TDRD9: variants seen among roughly 807,000 people sequenced by gnomAD.
The protein encoded by TDRD9 is ATP-dependent RNA helicase TDRD9.
TDRD9 carries 124 observed loss-of-function variants against 172.6 expected under a neutral mutation model. The ratio of observed to expected loss-of-function variants is 0.72; its 90% CI spans 0.62 to 0.83. The LOEUF (loss-of-function observed/expected upper bound fraction) is 0.83. Among genes scored for constraint, TDRD9 ranks in the 40% least tolerant of loss-of-function variants. The probability of loss-of-function intolerance (pLI) is 0.00; values close to 1 mark genes in which losing one functional copy is unlikely to be tolerated. For synonymous variants in TDRD9, 619 were observed against 617.1 expected (o/e 1.00, Z -0.05); for missense variants, 1,479 against 1,714.1 (o/e 0.86, Z 2.42).
At chr14:103,930,337 G>A (rs1342905150) in intron 1 of TDRD9, among the ~76,000 whole-genome samples, 1 of 152,076 alleles carries the variant, frequency 6.6e-6, no homozygotes, top group East Asian at 1.9e-4. Flanking sequence ...ACTGGCGTGT[G>A]CCACCACGCC....
At chr14:103,929,661 A>G (rs1439221564) in intron 1 of TDRD9, among the ~76,000 whole-genome samples, 1 of 152,020 alleles carries the variant, frequency 6.6e-6, no homozygotes, top group Non-Finnish European at 1.5e-5. Context: ...CTGAGGCTAC[A>G]GGCATATGCC....
intron 8 of TDRD9, among the ~76,000 whole-genome samples, chr14:103,988,569 T>C (rs1436077520): frequency 6.6e-6 from 1 of 152,242 alleles, no homozygotes; most frequent in African/African-American, 2.4e-5. Context: ...GTCACTGATA[T>C]AGTTGAATTT....
chr14:104,025,934 C>T, intron 26 of TDRD9, 113 bp from the exon 27 acceptor site: 1 of 971,346 alleles, frequency 1.0e-6, no homozygotes, highest in Non-Finnish European at 1.6e-6. Context: ...AAGCTCAGGT[C>T]ACTCCAAGAA....
rs753182841 is a variant in TDRD9 at position 103,955,744 on chromosome 14, G to A, written c.296G>A (p.Arg99His). The change falls in exon 2 of 36, where the codon CGC (arginine) becomes CAC (histidine). Residue 99 changes from arginine to histidine, a missense_variant. Arg to His is a conservative substitution (Grantham distance 29). Transcript: ENST00000409874. Reference protein sequence around the residue: ...QLEAQELDVCRSVQPTSGPGP... With the variant: ...QLEAQELDVCHSVQPTSGPGP... ...GAAGCACAAGAGCTTGATGTGTGTC[G>A]CAGTGTCCAACCAACCAGTGGGCCA... is the stretch of plus-strand genomic sequence containing the variant. The A allele has an allele frequency of 1.6e-5, 25 of 1,550,926 alleles. No individual in the cohort carries two copies. In the South Asian group the frequency reaches 2.0e-4, roughly 13 times the overall value.
chr14:104,037,733 C>T (rs930774399), intron 32 of TDRD9, among the ~76,000 whole-genome samples: 2 of 152,188 alleles, frequency 1.3e-5, no homozygotes, highest in African/African-American at 4.8e-5. Flanking sequence ...ATGTGACCTT[C>T]ACTTGTAGTT....
chr14:104,018,211 T>C lies in TDRD9; in HGVS notation c.2432+19T>C, dbSNP rs200526798. 68 of 1,396,334 alleles carry C rather than the reference T, an allele frequency of 4.9e-5. No individual in the cohort carries two copies. Among genetic ancestry groups the C allele is most frequent in the Non-Finnish European group, 3.0e-6 (3 of 996,810 alleles). 86.5% of individuals were successfully genotyped at this position (1,396,334 alleles called of 1,614,324 possible). On this transcript the variant is annotated intron_variant, in intron 23 of 35. Coordinates refer to ENST00000409874, the MANE Select transcript of TDRD9 (RefSeq NM_153046.3). ...GTGCAAAGTAAGTATATTTTTGTAA[T>C]CAACTGCAATTATGAAGGAGGCATA...
intron 22 of TDRD9, among the ~76,000 whole-genome samples, chr14:104,017,139 C>G (rs1423618221): frequency 6.6e-6 from 1 of 151,914 alleles, no homozygotes; most frequent in African/African-American, 2.4e-5. Flanking sequence ...CCCCTCTGCC[C>G]CTTCGTGGTT....
chr14:103,928,771 G>A, intron 1 of TDRD9, 47 bp downstream of exon 1: 3 of 735,370 alleles, frequency 4.1e-6, no homozygotes, highest in Non-Finnish European at 5.4e-6. Context: ...GCCGGGCGAG[G>A]CCTGGCGACG....
intron 28 of TDRD9, among the ~76,000 whole-genome samples, chr14:104,027,703 T>G (rs2035164540): frequency 6.6e-6 from 1 of 152,240 alleles, no homozygotes; most frequent in Non-Finnish European, 1.5e-5. Flanking sequence ...TTCTTTGTGT[T>G]GTAAACATTC....
chr14:104,017,960 T>C (rs2034840915), intron 22 of TDRD9, 132 bp from the exon 23 acceptor site: 2 of 621,616 alleles, frequency 3.2e-6, no homozygotes, highest in Non-Finnish European at 5.7e-6. Flanking sequence ...GTAGAGTTTA[T>C]ATATTATGGT....
intron 4 of TDRD9, 99 bp downstream of exon 4, chr14:103,965,653 A>G (rs1359735991): frequency 1.8e-6 from 2 of 1,087,306 alleles, no homozygotes; most frequent in African/African-American, 3.1e-5. Context: ...GTATGTGACC[A>G]TTTTCTGCTG....
chr14:104,006,538 T>A lies in TDRD9; in HGVS notation c.1863T>A (p.Asp621Glu). 7.4e-6 allele frequency: 12 copies of A among 1,613,840 alleles called. No homozygotes were observed. Among genetic ancestry groups the A allele is most frequent in the Non-Finnish European group, 8.5e-6 (10 of 1,179,752 alleles). The change falls in exon 16 of 36, where the codon GAT (aspartate) becomes GAA (glutamate). Residue 621 changes from aspartate (D) to glutamate (E), a missense_variant. By Grantham distance (45) the Asp-to-Glu change is conservative. Coordinates refer to ENST00000409874, the MANE Select transcript of TDRD9 (RefSeq NM_153046.3). The part of the protein sequence containing the change: ...IVLGHVFGCL[D>E]ECLIIAAALS... ...TTGGACATGTATTTGGATGTCTAGA[T>A]GAATGTCTTATTATAGGTAAGTGTG...
chr14:103,976,290 T>C (rs78258988), intron 7 of TDRD9, among the ~76,000 whole-genome samples: 1 of 152,064 alleles, frequency 6.6e-6, no homozygotes, highest in African/African-American at 2.4e-5. Context: ...TTTTTTTTTT[T>C]CGAGACAGAG....
chr14:103,962,965 AGT>A (rs55873775), intron 2 of TDRD9, 112 bp from the exon 3 acceptor site: 1,033 of 402,786 alleles, frequency 2.6e-3, no homozygotes, highest in African/African-American at 4.8e-3. Context: ...TTTGTATTTG[AGT>A]GTGTGTGTGT....
At chr14:103,950,146 G>A (rs1221760112) in intron 1 of TDRD9, among the ~76,000 whole-genome samples, 1 of 125,992 alleles carries the variant, frequency 7.9e-6, no homozygotes, top group Non-Finnish European at 1.6e-5. Flanking sequence ...CTGGAGTGCC[G>A]TGGCGCAATC....
chr14:104,050,733 C>T (rs1216863797), intron 35 of TDRD9, among the ~76,000 whole-genome samples: 1 of 152,196 alleles, frequency 6.6e-6, no homozygotes, highest in African/African-American at 2.4e-5. Flanking sequence ...GCTCCATGGG[C>T]AAGGAGAGGG....
At chr14:104,049,885 G>C in intron 35 of TDRD9, 1 of 515,138 alleles carries the variant, frequency 1.9e-6, no homozygotes, top group Non-Finnish European at 3.5e-6. Flanking sequence ...GTGATGTCCC[G>C]GCAAAGAGTC....
chr14:104,033,844 G>A (rs933168763), intron 30 of TDRD9, 116 bp from the exon 31 acceptor site: 14 of 660,398 alleles, frequency 2.1e-5, no homozygotes, highest in South Asian at 6.9e-5. Flanking sequence ...ATTTCTTCCC[G>A]TCTATCATTG....
chr14:103,954,477 G>GT (rs2032097207), intron 1 of TDRD9, among the ~76,000 whole-genome samples: 1 of 152,154 alleles, frequency 6.6e-6, no homozygotes, highest in Non-Finnish European at 1.5e-5. Context: ...TGTGCAGTAG[G>GT]TGTTCAGTAA....
Sources: gnomAD v4.1 joint callset for allele counts (sites outside exome capture counted in the v4.1 genomes callset) on GRCh38, gnomAD v4.1.1 for gene constraint, MANE v1.5 for transcripts, NCBI Gene and HGNC (gene_info 2026-07-23, HGNC 2026-07-21) for gene names.